DNAH8: variants seen among roughly 807,000 people sequenced by gnomAD.
The protein encoded by DNAH8 is dynein axonemal heavy chain 8.
DNAH8 carries 382 observed loss-of-function variants against 562.1 expected under a neutral mutation model. The observed-to-expected ratio is 0.68, with a 90% confidence interval of 0.63 to 0.74. The LOEUF (loss-of-function observed/expected upper bound fraction) is 0.74. DNAH8 is among the 30% of genes least tolerant of loss of function. DNAH8 has a pLI of 0.00. For synonymous variants in DNAH8, 1,881 were observed against 1,919.4 expected, an observed-to-expected ratio of 0.98 and a Z score of 0.52; for missense variants, 5,203 against 5,620.4, an observed-to-expected ratio of 0.93 and a Z score of 2.37.
At chr6:38,859,576 C>T (rs974836929) in intron 42 of DNAH8, among the ~76,000 whole-genome samples, 12 of 152,152 alleles carry the variant, frequency 7.9e-5, no homozygotes, top group Non-Finnish European at 5.9e-5. Flanking sequence ...TGTGTTGATT[C>T]CTCTGAATGG....
At chr6:38,896,942 T>G (rs1308795802) in intron 60 of DNAH8, among the ~76,000 whole-genome samples, 1 of 152,098 alleles carries the variant, frequency 6.6e-6, no homozygotes, top group African/African-American at 2.4e-5. Context: ...CCCCCCACCA[T>G]GCCTGGCTAA....
rs144156671 is a variant in DNAH8 at position 38,945,512 on chromosome 6, G to T, written c.12053G>T (p.Arg4018Leu). The change falls in exon 80 of 93, where the codon CGC becomes CTC. Residue 4018 changes from arginine to leucine, a missense_variant. Coordinates refer to ENST00000327475, the MANE Select transcript of DNAH8 (RefSeq NM_001206927.2). ...DLKACPPKPY[R>L]WILDMTWLNL... is the part of the protein sequence containing the mutation. Reference sequence around the variant, plus strand: ...AAAGCCTGTCCTCCCAAACCCTATCGCTGGATCCTTGACATGACTTGGCTG... The same window carrying T: ...AAAGCCTGTCCTCCCAAACCCTATCTCTGGATCCTTGACATGACTTGGCTG... The T allele has an allele frequency of 2.9e-5, 47 of 1,613,992 alleles. 1 individual carries two copies. In the Admixed American group the frequency reaches 7.3e-4, roughly 25 times the overall value.
At chr6:38,861,241 A>G (rs980546871) in intron 43 of DNAH8, among the ~76,000 whole-genome samples, 3 of 152,230 alleles carry the variant, frequency 2.0e-5, no homozygotes, top group African/African-American at 7.2e-5. Flanking sequence ...ATCAAATCAC[A>G]TCTTCAGCCT....
At position 38,913,922 on chromosome 6, in the gene DNAH8, G is replaced by A. The variant is rs1781097531; in HGVS notation, c.9933G>A (p.Glu3311=). The change falls in exon 67 of 93, where the codon GAG becomes GAA. Residue 3311 remains glutamate (E), a synonymous_variant. Transcript: ENST00000327475. ...LSQDLAVKEK[E]LAVASIKADE... ...AGGATCTTGCAGTCAAGGAGAAGGAGTTGGCAGTGGCTTCCATAAAAGCAG... is the reference window on the plus strand; with the variant it reads ...AGGATCTTGCAGTCAAGGAGAAGGAATTGGCAGTGGCTTCCATAAAAGCAG... 6.2e-7 allele frequency: 1 copy of A among 1,612,814 alleles called. No homozygotes were observed. The highest frequency in any genetic ancestry group is 8.5e-7 in the Non-Finnish European group (1 of 1,179,172).
Position 38,902,952 on chromosome 6 carries a change from C to A in DNAH8, c.9194+3046C>A, listed in dbSNP as rs79649748. Among the ~76,000 whole-genome samples the A allele has an allele frequency of 2.5e-3, 376 of 152,330 alleles. 7 individuals carry two copies. In the East Asian group the frequency reaches 0.043, roughly 17 times the overall value. Reference sequence around the variant, plus strand: ...GAGATTATAATGGAGCTGCCCTATACACGAGTAGCATTTTAAAAATCTTTT... The same window carrying A: ...GAGATTATAATGGAGCTGCCCTATAAACGAGTAGCATTTTAAAAATCTTTT... On this transcript the variant is annotated intron_variant, in intron 62 of 92. Coordinates refer to ENST00000327475, the MANE Select transcript of DNAH8 (RefSeq NM_001206927.2).
chr6:38,886,702 T>A lies in DNAH8; in HGVS notation c.8260-89T>A, dbSNP rs151259037. 2.8e-5 allele frequency: 29 copies of A among 1,034,748 alleles called. No individual in the cohort carries two copies. In the East Asian group the frequency reaches 6.4e-4, roughly 23 times the overall value. The allele number at this position is 1,034,748 out of a possible 1,614,324, so 64.1% of individuals were successfully genotyped here. A position where few individuals can be genotyped will look rare whatever the true frequency, so the allele number is the denominator to read the frequency against. ...CTTCATTGATAAGAGTTTAATGTTT[T>A]CTTCTAATCTCATTTGTACTATTTT... is the stretch of plus-strand genomic sequence containing the variant. On this transcript the variant is annotated intron_variant, in intron 56 of 92. Transcript: ENST00000327475.
chr6:38,786,149 A>G (rs1420789116), intron 17 of DNAH8, among the ~76,000 whole-genome samples: 1 of 152,200 alleles, frequency 6.6e-6, no homozygotes, highest in Non-Finnish European at 1.5e-5. Flanking sequence ...GGGCTTATGT[A>G]TTTCAATTCA....
chr6:38,926,182 A>C lies in DNAH8; in HGVS notation c.11090A>C (p.Lys3697Thr), dbSNP rs530591856. The C allele has an allele frequency of 6.2e-7, 1 of 1,613,726 alleles. No homozygotes were observed. Among genetic ancestry groups the C allele is most frequent in the African/African-American group, 1.3e-5 (1 of 75,000 alleles). Residue 3697 changes from lysine to threonine, a missense_variant, in exon 74 of 93, where the codon AAA becomes ACA. Coordinates refer to ENST00000327475, the MANE Select transcript of DNAH8 (RefSeq NM_001206927.2). ...DPQTQGKTWI[K>T]SKEKENDLQV... ...CAAACTCAAGGCAAAACTTGGATTA[A>C]ATCAAAGGAAAAAGAAAATGATTTA...
At position 38,884,005 on chromosome 6, in the gene DNAH8, C is replaced by T. The variant is rs777711446; in HGVS notation, c.8259+7C>T. On this transcript the variant is annotated splice_region_variant and intron_variant, in intron 56 of 92. Coordinates refer to ENST00000327475, the MANE Select transcript of DNAH8 (RefSeq NM_001206927.2). ...TAATGAGTGGGGAGATCAGGTATGG[C>T]TGAAATATCTCATATAGATGATCCT... The T allele has an allele frequency of 3.3e-6, 5 of 1,525,968 alleles. 1 individual carries two copies. The Admixed American group carries it at 7.4e-5, about 23-fold the overall frequency. 94.5% of individuals were successfully genotyped at this position (1,525,968 alleles called of 1,614,324 possible).
intron 81 of DNAH8, 129 bp downstream of exon 81, chr6:38,949,699 T>G: frequency 1.6e-6 from 1 of 633,996 alleles, no homozygotes. Context: ...CAATTACTTT[T>G]GTGCCAACCT....
In DNAH8 at chr6:38,915,365, A is replaced by G; in HGVS notation, c.10128A>G (p.Glu3376=). 1 of 1,593,536 alleles carries G rather than the reference A, an allele frequency of 6.3e-7. No individual in the cohort carries two copies. Among genetic ancestry groups the G allele is most frequent in the Non-Finnish European group, 8.5e-7 (1 of 1,172,992 alleles). Reference sequence around the variant, plus strand: ...CTAAACCTGCACTGGAAGAAGCAGAAGCAGCCCTGAATGTGAGCAGTGCAT... The same window carrying G: ...CTAAACCTGCACTGGAAGAAGCAGAGGCAGCCCTGAATGTGAGCAGTGCAT... ...EAAKPALEEA[E]AALNTIKPND... Residue 3376 remains glutamate, a synonymous_variant, in exon 68 of 93, where the codon GAA becomes GAG. Transcript: ENST00000327475.
In DNAH8 at chr6:38,911,226, C is replaced by T. The variant is rs563107536; in HGVS notation, c.9741-242C>T. On this transcript the variant is annotated intron_variant, in intron 65 of 92. Transcript: ENST00000327475. ...GGAGGGGTAGAGCAGATATTCTTTT[C>T]TCTATTTTCCAGATGAGGAAACAGA... Among the ~76,000 whole-genome samples, 4 of 152,294 alleles carry T rather than the reference C, an allele frequency of 2.6e-5. No homozygotes were observed. In the South Asian group the frequency reaches 8.3e-4, roughly 32 times the overall value.
intron 21 of DNAH8, among the ~76,000 whole-genome samples, chr6:38,795,462 C>T (rs987169734): frequency 1.8e-4 from 27 of 152,164 alleles, no homozygotes; most frequent in African/African-American, 4.6e-4. Context: ...TGCCTGTAGT[C>T]CCAGCTACTT....
rs1011072107 is a variant in DNAH8, at chr6:39,001,308, T to C, written c.13215-7506T>C. Among the ~76,000 whole-genome samples, 12 of 152,108 alleles carry C rather than the reference T, an allele frequency of 7.9e-5. No homozygotes were observed. In the East Asian group the frequency reaches 2.3e-3, roughly 30 times the overall value. On this transcript the variant is annotated intron_variant, in intron 88 of 92. Coordinates refer to ENST00000327475, the MANE Select transcript of DNAH8 (RefSeq NM_001206927.2). ...CAGAGATTTAAGCCTTTTCCTGCCATCACATAATTCAGGCTGAAGTTGGAA... is the reference window on the plus strand; with the variant it reads ...CAGAGATTTAAGCCTTTTCCTGCCACCACATAATTCAGGCTGAAGTTGGAA...
chr6:38,989,102 G>A (rs1178475507), intron 87 of DNAH8, among the ~76,000 whole-genome samples: 1 of 152,162 alleles, frequency 6.6e-6, no homozygotes, highest in Non-Finnish European at 1.5e-5. Flanking sequence ...GCAATCACTG[G>A]ATCTAAAAAG....
intron 62 of DNAH8, among the ~76,000 whole-genome samples, chr6:38,901,811 G>A (rs1405568559): frequency 6.6e-6 from 1 of 152,124 alleles, no homozygotes; most frequent in Non-Finnish European, 1.5e-5. Flanking sequence ...TATCAAATAA[G>A]TAGGTATTAA....
chr6:38,808,354 C>T (rs1046477410), intron 24 of DNAH8, among the ~76,000 whole-genome samples: 6 of 152,206 alleles, frequency 3.9e-5, no homozygotes, highest in East Asian at 3.9e-4. Flanking sequence ...CAGTATTATT[C>T]GGTTAAAAAA....
At position 38,734,630 on chromosome 6, in the gene DNAH8, GT is replaced by G. The variant is rs752866956; in HGVS notation, c.762+8del. On this transcript the variant is annotated splice_donor_region_variant and intron_variant, in intron 5 of 92. Transcript: ENST00000327475. The stretch of plus-strand genomic sequence containing the variant: ...AATGTTAAAACTATTCAAGAGGTAT[GT>G]TTAAAAATTTCCCCAAATACATAGT... 2.4e-5 allele frequency: 38 copies of G among 1,607,896 alleles called. 1 individual carries two copies. In the Admixed American group the frequency reaches 6.0e-4, roughly 25 times the overall value.
intron 42 of DNAH8, 78 bp downstream of exon 42, chr6:38,857,820 A>C (rs1158907442): frequency 4.5e-6 from 4 of 895,772 alleles, no homozygotes; most frequent in Non-Finnish European, 6.8e-6. Flanking sequence ...CCTAACTTAC[A>C]TGAACTTTCC....
Sources: allele counts gnomAD v4.1 joint callset (sites outside exome capture counted in the v4.1 genomes callset), GRCh38; gene constraint gnomAD v4.1.1; transcripts MANE v1.5; gene names NCBI Gene and HGNC (gene_info 2026-07-23, HGNC 2026-07-21).